Variants in FMN1 observed in about 807,000 individuals in gnomAD.
The protein encoded by FMN1 is formin 1, also known as formin-1.
In FMN1, 110 loss-of-function variants were observed where a neutral mutation model predicts 132.4. The ratio of observed to expected loss-of-function variants is 0.83; its 90% CI spans 0.71 to 0.97. The LOEUF (loss-of-function observed/expected upper bound fraction) is 0.97. Ranked by LOEUF, FMN1 falls within the 50% of genes least tolerant of loss-of-function variation. The probability of loss-of-function intolerance (pLI) is 0.00; values close to 1 mark genes in which losing one functional copy is unlikely to be tolerated. For missense variants in FMN1, 1,792 were observed against 1,705.3 expected (o/e 1.05, Z -0.90); for synonymous variants, 722 against 651.7 (o/e 1.11, Z -1.64).
At chr15:32,961,418 G>A (rs760358388) in intron 9 of FMN1, among the ~76,000 whole-genome samples, 10 of 152,278 alleles carry the variant, frequency 6.6e-5, no homozygotes, top group Non-Finnish European at 1.2e-4. Flanking sequence ...ATAGGCATGA[G>A]CCACCGTACC....
chr15:33,090,627 G>C (rs182667837), intron 4 of FMN1, among the ~76,000 whole-genome samples: 6 of 152,028 alleles, frequency 3.9e-5, no homozygotes, highest in Non-Finnish European at 5.9e-5. Flanking sequence ...ATCTCGGTCA[G>C]ATCCCTTAGA....
intron 9 of FMN1, among the ~76,000 whole-genome samples, chr15:32,957,146 A>G (rs1377539066): frequency 6.6e-6 from 1 of 152,106 alleles, no homozygotes; most frequent in Admixed American, 6.5e-5. Flanking sequence ...ATCCTTTTAC[A>G]TATCTTACAG....
At chr15:33,186,489 CA>C (rs34557769) in intron 2 of FMN1, among the ~76,000 whole-genome samples, 38,112 of 148,008 alleles carry the variant, frequency 0.26, 6,031 homozygotes, top group Non-Finnish European at 0.37. Context: ...AAATGTTCCT[CA>C]AAAAAAAAAA....
chr15:32,785,218 A>ATATATATTTTTTT (rs1444523400), intron 19 of FMN1, among the ~76,000 whole-genome samples: 5 of 39,206 alleles, frequency 1.3e-4, no homozygotes, highest in African/African-American at 3.6e-4. Flanking sequence ...ATATATATAT[A>ATATATATTTTTTT]TTTTTTTTTT....
chr15:33,136,869 C>G (rs775789503), intron 4 of FMN1, among the ~76,000 whole-genome samples: 1 of 152,058 alleles, frequency 6.6e-6, no homozygotes, highest in African/African-American at 2.4e-5. Context: ...AGGCAGATCA[C>G]CTGAGATCAG....
chr15:33,096,828 C>T (rs1388408559), intron 4 of FMN1, among the ~76,000 whole-genome samples: 1 of 152,168 alleles, frequency 6.6e-6, no homozygotes, highest in Non-Finnish European at 1.5e-5. Flanking sequence ...TATCGAACCC[C>T]TAGGCTAAAG....
chr15:32,771,365 C>T lies in FMN1; in HGVS notation c.*2945G>A, dbSNP rs2056236140. 6.7e-6 allele frequency: 1 copy of T among 148,596 alleles called. No individual in the cohort carries two copies. Among genetic ancestry groups the T allele is most frequent in the African/African-American group, 2.5e-5 (1 of 40,136 alleles). 9.2% of individuals were successfully genotyped at this position (148,596 alleles called of 1,614,324 possible). ...AAGTGCTGGGATTATAGGCATGAGC[C>T]ACCACGCCCGGCCCGGGCCTGATGC... On this transcript the variant is annotated 3_prime_UTR_variant, in exon 21 of 21. Coordinates refer to ENST00000616417, the MANE Select transcript of FMN1 (RefSeq NM_001277313.2).
At chr15:32,955,979 C>A (rs1328164392) in intron 9 of FMN1, among the ~76,000 whole-genome samples, 2 of 152,104 alleles carry the variant, frequency 1.3e-5, no homozygotes, top group African/African-American at 4.8e-5. Flanking sequence ...TCTGCTAATA[C>A]CTTCAAGTCT....
chr15:33,167,071 G>C lies in FMN1; in HGVS notation c.-131-12026C>G, dbSNP rs148792412. 5.3e-5 allele frequency among the ~76,000 whole-genome samples: 8 copies of C among 152,250 alleles called. No homozygotes were observed. The East Asian group carries it at 1.4e-3, about 26-fold the overall frequency. ...TAATGAAATGAGTAGATTCATACTT[G>C]GTTAAGAAGGAGAAAGAAAGAGGAG... is the stretch of plus-strand genomic sequence containing the variant. On this transcript the variant is annotated intron_variant, in intron 3 of 20. Coordinates refer to ENST00000616417, the MANE Select transcript of FMN1 (RefSeq NM_001277313.2).
At chr15:32,780,982 G>A (rs1198505654) in intron 19 of FMN1, among the ~76,000 whole-genome samples, 2 of 152,074 alleles carry the variant, frequency 1.3e-5, no homozygotes, top group East Asian at 1.9e-4. Context: ...CATGATAGAG[G>A]TTATTGCTAG....
In FMN1 at chr15:32,771,433, G is replaced by A. The variant is rs1400123802; in HGVS notation, c.*2877C>T. The A allele has an allele frequency of 6.6e-6, 1 of 152,132 alleles. No homozygotes were observed. The highest frequency in any genetic ancestry group is 1.5e-5 in the Non-Finnish European group (1 of 68,030). 9.4% of individuals were successfully genotyped at this position (152,132 alleles called of 1,614,324 possible). A position where few individuals can be genotyped will look rare whatever the true frequency, so the allele number is the denominator to read the frequency against. ...TGTAGTGTAATTTATGATGTACTTT[G>A]TGTAATTTATGTAACTTATGATATT... On this transcript the variant is annotated 3_prime_UTR_variant, in exon 21 of 21. Coordinates refer to ENST00000616417, the MANE Select transcript of FMN1 (RefSeq NM_001277313.2).
At chr15:32,885,279 G>A (rs1054392588) in intron 16 of FMN1, among the ~76,000 whole-genome samples, 8 of 152,148 alleles carry the variant, frequency 5.3e-5, no homozygotes, top group African/African-American at 1.9e-4. Flanking sequence ...GTGGTTTTGG[G>A]AGTGTGTGCA....
At chr15:33,041,910 AC>A (rs1175338233) in intron 6 of FMN1, among the ~76,000 whole-genome samples, 16 of 102,138 alleles carry the variant, frequency 1.6e-4, no homozygotes, top group African/African-American at 6.7e-4. Context: ...AGTAAATTTC[AC>A]AGTGTTTTTT....
chr15:33,021,559 C>G (rs888875529), intron 6 of FMN1, among the ~76,000 whole-genome samples: 1 of 152,096 alleles, frequency 6.6e-6, no homozygotes, highest in East Asian at 1.9e-4. Flanking sequence ...GATATTGAGT[C>G]TTTATGTTCT....
chr15:32,779,897 A>G (rs988920231), intron 19 of FMN1, among the ~76,000 whole-genome samples: 3 of 152,204 alleles, frequency 2.0e-5, no homozygotes, highest in Non-Finnish European at 4.4e-5. Context: ...TACAAATTCA[A>G]AAATCACAGG....
chr15:33,192,011 T>C (rs1966096308), intron 2 of FMN1, among the ~76,000 whole-genome samples: 1 of 152,202 alleles, frequency 6.6e-6, no homozygotes, highest in African/African-American at 2.4e-5. Flanking sequence ...AAAGAGATTA[T>C]GAATAGCCCC....
intron 3 of FMN1, among the ~76,000 whole-genome samples, chr15:33,157,281 A>AT (rs1964710577): frequency 6.6e-6 from 1 of 151,090 alleles, no homozygotes; most frequent in Non-Finnish European, 1.5e-5. Context: ...AAAAAAAAAA[A>AT]TTCAGAATCT....
In FMN1 at chr15:32,925,855, G is replaced by GT. The variant is rs577753321; in HGVS notation, c.3226+318dup. Among the ~76,000 whole-genome samples, 91 of 152,278 alleles carry GT rather than the reference G, an allele frequency of 6.0e-4. No homozygotes were observed. In the Middle Eastern group the frequency reaches 0.014, roughly 23 times the overall value. On this transcript the variant is annotated intron_variant, in intron 10 of 20. Transcript: ENST00000616417. Reference sequence around the variant, plus strand: ...GTGGGCAGATTGCATGAGCCCAGGAGTTTGAGACCAGCCTGGGCAACATGG... The same window carrying GT: ...GTGGGCAGATTGCATGAGCCCAGGAGTTTTGAGACCAGCCTGGGCAACATGG...
intron 4 of FMN1, among the ~76,000 whole-genome samples, chr15:33,130,404 A>G (rs1367616250): frequency 6.6e-6 from 1 of 152,242 alleles, no homozygotes; most frequent in Admixed American, 6.5e-5. Context: ...AACAATGTAG[A>G]AATATCAACA....
Sources: allele counts gnomAD v4.1 joint callset (sites outside exome capture counted in the v4.1 genomes callset), GRCh38; gene constraint gnomAD v4.1.1; transcripts MANE v1.5; gene names NCBI Gene and HGNC (gene_info 2026-07-23, HGNC 2026-07-21).